LRRTM4: variants seen among roughly 807,000 people sequenced by gnomAD.
LRRTM4 encodes leucine rich repeat transmembrane neuronal 4.
LRRTM4 carries 25 observed loss-of-function variants against 47.6 expected under a neutral mutation model. That is an observed-to-expected ratio of 0.53 (90% CI 0.38 to 0.73). LRRTM4 has a LOEUF of 0.73. LRRTM4 is among the 30% of genes least tolerant of loss of function. The pLI, the probability that LRRTM4 is intolerant of heterozygous loss-of-function variation, is 0.00. For missense variants in LRRTM4, 638 were observed against 713.4 expected, an observed-to-expected ratio of 0.89 and a Z score of 1.20; for synonymous variants, 311 against 269.5, an observed-to-expected ratio of 1.15 and a Z score of -1.51.
intron 3 of LRRTM4, among the ~76,000 whole-genome samples, chr2:77,098,707 A>C (rs1670873330): frequency 8.1e-6 from 1 of 122,998 alleles, no homozygotes; most frequent in African/African-American, 3.7e-5. Flanking sequence ...TGACTATACA[A>C]ATCACTAAGA....
intron 3 of LRRTM4, among the ~76,000 whole-genome samples, chr2:77,167,005 C>A (rs1020151049): frequency 6.6e-6 from 1 of 152,102 alleles, no homozygotes; most frequent in Admixed American, 6.5e-5. Flanking sequence ...AAACTACCAT[C>A]AGAGTGAAGA....
intron 3 of LRRTM4, among the ~76,000 whole-genome samples, chr2:76,978,710 C>T (rs76421397): frequency 0.038 from 5,716 of 152,062 alleles, 243 homozygotes; most frequent in East Asian, 0.14. Context: ...GTATGCATAG[C>T]GAGCCGCTGA....
At chr2:77,310,374 T>G (rs1677418509) in intron 3 of LRRTM4, among the ~76,000 whole-genome samples, 1 of 152,076 alleles carries the variant, frequency 6.6e-6, no homozygotes, top group African/African-American at 2.4e-5. Flanking sequence ...ACCAAAATCT[T>G]TGAGGCAGTT....
intron 3 of LRRTM4, among the ~76,000 whole-genome samples, chr2:76,914,514 T>C (rs1214599713): frequency 1.3e-5 from 2 of 152,110 alleles, no homozygotes; most frequent in East Asian, 3.9e-4. Flanking sequence ...TAAAATAAAA[T>C]TGTATGTTTA....
intron 3 of LRRTM4, among the ~76,000 whole-genome samples, chr2:77,075,345 G>T (rs143393528): frequency 6.6e-6 from 1 of 152,076 alleles, no homozygotes; most frequent in South Asian, 2.1e-4. Context: ...CTGTTTATTT[G>T]TCTCGATAAG....
intron 3 of LRRTM4, among the ~76,000 whole-genome samples, chr2:76,999,484 G>T (rs1029205788): frequency 6.6e-6 from 1 of 151,170 alleles, no homozygotes; most frequent in East Asian, 1.9e-4. Context: ...GTTTGCAAAT[G>T]ATCATGTGAG....
At position 77,086,467 on chromosome 2, in the gene LRRTM4, C is replaced by T. The variant is rs577260805; in HGVS notation, c.1552-337551G>A. ...TTTAGGAACTCATGATTGCAGGTTACATATAATAATTTTTTTTTTTTTTTT... is the reference window on the plus strand; with the variant it reads ...TTTAGGAACTCATGATTGCAGGTTATATATAATAATTTTTTTTTTTTTTTT... On this transcript the variant is annotated intron_variant, in intron 3 of 3. Transcript: ENST00000409884. 6.1e-5 allele frequency among the ~76,000 whole-genome samples: 9 copies of T among 148,418 alleles called. No individual in the cohort carries two copies. In the East Asian group the frequency reaches 6.1e-4, roughly 10 times the overall value.
At chr2:76,964,638 AG>A (rs1188256389) in intron 3 of LRRTM4, among the ~76,000 whole-genome samples, 1 of 148,714 alleles carries the variant, frequency 6.7e-6, no homozygotes, top group Admixed American at 6.7e-5. Context: ...AAAACATGAA[AG>A]ATCTAAAATT....
chr2:77,251,972 T>C (rs1156752538), intron 3 of LRRTM4, among the ~76,000 whole-genome samples: 1 of 152,168 alleles, frequency 6.6e-6, no homozygotes, highest in African/African-American at 2.4e-5. Flanking sequence ...CATGAATATG[T>C]TAATTTAAAA....
At chr2:77,059,104 A>G (rs1679701853) in intron 3 of LRRTM4, among the ~76,000 whole-genome samples, 1 of 152,150 alleles carries the variant, frequency 6.6e-6, no homozygotes, top group East Asian at 1.9e-4. Flanking sequence ...TTATCTGCTA[A>G]ACTTGGCAAT....
intron 3 of LRRTM4, among the ~76,000 whole-genome samples, chr2:77,024,874 G>C (rs556869239): frequency 6.6e-6 from 1 of 152,162 alleles, no homozygotes; most frequent in African/African-American, 2.4e-5. Context: ...TATCTTGTTG[G>C]AAATGTAGGA....
chr2:77,007,700 A>G (rs1677708559), intron 3 of LRRTM4, among the ~76,000 whole-genome samples: 1 of 152,180 alleles, frequency 6.6e-6, no homozygotes, highest in South Asian at 2.1e-4. Flanking sequence ...AGAATAAAGG[A>G]AGGTATTTAT....
chr2:76,868,605 C>T (rs1672531814), intron 3 of LRRTM4, among the ~76,000 whole-genome samples: 1 of 152,148 alleles, frequency 6.6e-6, no homozygotes, highest in Non-Finnish European at 1.5e-5. Context: ...AGCTTTCCCT[C>T]AACTTAAGGA....
intron 3 of LRRTM4, among the ~76,000 whole-genome samples, chr2:76,951,242 T>G (rs568905147): frequency 1.9e-4 from 29 of 152,156 alleles, no homozygotes; most frequent in Admixed American, 5.2e-4. Context: ...GTCCTGTGAT[T>G]TAACTTGTCA....
chr2:77,489,401 A>G (rs1045957070), intron 3 of LRRTM4, among the ~76,000 whole-genome samples: 3 of 152,220 alleles, frequency 2.0e-5, no homozygotes, highest in Non-Finnish European at 4.4e-5. Context: ...AAATATTTAA[A>G]CAACAATTTC....
At chr2:77,165,241 C>G (rs112139196) in intron 3 of LRRTM4, among the ~76,000 whole-genome samples, 6,024 of 152,238 alleles carry the variant, frequency 0.04, 236 homozygotes, top group African/African-American at 0.1. Context: ...TGGACACACA[C>G]ACCCTCCCAA....
At chr2:76,798,766 G>A (rs1233726854) in intron 3 of LRRTM4, among the ~76,000 whole-genome samples, 11 of 150,510 alleles carry the variant, frequency 7.3e-5, no homozygotes, top group African/African-American at 2.7e-4. Flanking sequence ...TGATAAAGGG[G>A]ATATCACCAC....
At chr2:76,771,486 A>T (rs1050618521) in intron 3 of LRRTM4, among the ~76,000 whole-genome samples, 5 of 152,086 alleles carry the variant, frequency 3.3e-5, no homozygotes, top group Non-Finnish European at 2.9e-5. Flanking sequence ...CTCCAGGAGG[A>T]ACCCCTTTAA....
intron 3 of LRRTM4, among the ~76,000 whole-genome samples, chr2:76,935,409 G>A (rs1472331496): frequency 6.6e-6 from 1 of 152,076 alleles, no homozygotes; most frequent in Non-Finnish European, 1.5e-5. Flanking sequence ...TAGCTTGATG[G>A]GAATAGCATT....
Sources: allele counts gnomAD v4.1 joint callset (sites outside exome capture counted in the v4.1 genomes callset), GRCh38; gene constraint gnomAD v4.1.1; transcripts MANE v1.5; gene names NCBI Gene and HGNC (gene_info 2026-07-23, HGNC 2026-07-21).